Variants in SSPN observed in about 807,000 individuals in gnomAD.
The protein encoded by SSPN is K-ras oncogene-associated protein.
Under a neutral mutation model 19.1 loss-of-function variants are expected in SSPN, and 15 were observed. The ratio of observed to expected loss-of-function variants is 0.78; its 90% CI spans 0.52 to 1.21. SSPN has a LOEUF of 1.21. SSPN is among the 50% of genes most tolerant of loss of function. The probability of loss-of-function intolerance (pLI) is 0.00; values close to 1 mark genes in which losing one functional copy is unlikely to be tolerated. For synonymous variants in SSPN, 147 were observed against 140.3 expected (o/e 1.05, Z -0.34); for missense variants, 291 against 314.0 (o/e 0.93, Z 0.55).
intron 1 of SSPN, among the ~76,000 whole-genome samples, chr12:26,185,373 G>A (rs1403326713): frequency 6.6e-6 from 1 of 152,182 alleles, no homozygotes; most frequent in Non-Finnish European, 1.5e-5. Flanking sequence ...TGATTGACAG[G>A]CATGGGATTC....
At chr12:26,138,669 A>T (rs1002508762) in intron 1 of SSPN, among the ~76,000 whole-genome samples, 1 of 152,188 alleles carries the variant, frequency 6.6e-6, no homozygotes, top group African/African-American at 2.4e-5. Context: ...GAAAGTCTAG[A>T]TGCTTTTATT....
At chr12:26,172,207 CTTAT>C (rs1387447643) in intron 1 of SSPN, among the ~76,000 whole-genome samples, 1 of 152,138 alleles carries the variant, frequency 6.6e-6, no homozygotes, top group Non-Finnish European at 1.5e-5. Context: ...ATAGATTCTG[CTTAT>C]TCAGCGTAAA....
At chr12:26,167,550 T>G (rs2092292559) in intron 1 of SSPN, among the ~76,000 whole-genome samples, 1 of 152,198 alleles carries the variant, frequency 6.6e-6, no homozygotes, top group Admixed American at 6.5e-5. Context: ...TCTCCTGCTT[T>G]CTTCCCCCAC....
chr12:26,123,266 C>G (rs1944331347), intron 1 of SSPN: 1 of 1,406,886 alleles, frequency 7.1e-7, no homozygotes, highest in African/African-American at 1.4e-5. Context: ...GGCCCTGCAT[C>G]GACTAAAGTG....
Position 26,234,313 on chromosome 12 carries a change from A to G in SSPN, c.*3237A>G, listed in dbSNP as rs111469320. On this transcript the variant is annotated 3_prime_UTR_variant, in exon 3 of 3. Transcript: ENST00000242729. ...CCTGCAAAACCAATCCTTTCCTATC[A>G]TGAAGAGTACCTTCATATTTTCTAG... 6.6e-6 allele frequency: 1 copy of G among 152,234 alleles called. No individual in the cohort carries two copies. The highest frequency in any genetic ancestry group is 1.5e-5 in the Non-Finnish European group (1 of 68,042). The allele number at this position is 152,234 out of a possible 1,614,324, so 9.4% of individuals were successfully genotyped here. A position where few individuals can be genotyped will look rare whatever the true frequency, so the allele number is the denominator to read the frequency against.
intron 1 of SSPN, chr12:26,122,218 G>A (rs1944313273): frequency 1.5e-6 from 2 of 1,311,864 alleles, no homozygotes; most frequent in Non-Finnish European, 1.9e-6. Context: ...TGCGGCAGGA[G>A]GGTCGCGGCG....
At chr12:26,190,634 A>T (rs945054132), upstream of SSPN, among the ~76,000 whole-genome samples, 1 of 152,194 alleles carries the variant, frequency 6.6e-6, no homozygotes, top group Admixed American at 6.5e-5. Flanking sequence ...AGATAATTAA[A>T]ACAGAGGATC....
At position 26,220,697 on chromosome 12, in the gene SSPN, C is replaced by T. The variant is rs956631307; in HGVS notation, c.280-3596C>T. 3.3e-5 allele frequency among the ~76,000 whole-genome samples: 5 copies of T among 152,154 alleles called. No individual in the cohort carries two copies. In the East Asian group the frequency reaches 7.7e-4, roughly 23 times the overall value. On this transcript the variant is annotated intron_variant, in intron 1 of 2. Transcript: ENST00000242729. The stretch of plus-strand genomic sequence containing the variant: ...CCCATATAGTTGTGATTTGTGTCCA[C>T]GTGGGATCATCATTCCCCACTCCCA...
At chr12:26,185,298 G>A (rs1430357132) in intron 1 of SSPN, among the ~76,000 whole-genome samples, 1 of 152,166 alleles carries the variant, frequency 6.6e-6, no homozygotes, top group African/African-American at 2.4e-5. Flanking sequence ...TGCCCGTGAG[G>A]AGCAACTTGC....
chr12:26,195,527 G>C, upstream of SSPN: 4 of 1,252,806 alleles, frequency 3.2e-6, no homozygotes, highest in Non-Finnish European at 4.0e-6. Flanking sequence ...GCCTTTGGAG[G>C]CTCGGTGAGT....
Position 26,225,257 on chromosome 12 carries a change from G to T in SSPN, c.366+878G>T, listed in dbSNP as rs903658347. On this transcript the variant is annotated intron_variant, in intron 2 of 2. Coordinates refer to ENST00000242729, the MANE Select transcript of SSPN (RefSeq NM_005086.5). ...ATGACATTATTTGAAAGTTACTAAG[G>T]TGAAAAAAATAAGGTGTGTTGGAAG... Among the ~76,000 whole-genome samples, 3 of 2,226 alleles carry T rather than the reference G, an allele frequency of 1.3e-3. No homozygotes were observed. The Non-Finnish European group carries it at 0.029, about 21-fold the overall frequency. The allele number at this position is 2,226 out of a possible 152,430, so 1.5% of individuals were successfully genotyped here.
In SSPN at chr12:26,215,438, G is replaced by A. The variant is rs74607045; in HGVS notation, c.280-8855G>A. Among the ~76,000 whole-genome samples the A allele has an allele frequency of 1.7e-3, 257 of 152,306 alleles. 1 individual carries two copies. Among genetic ancestry groups the A allele is most frequent in the African/African-American group, 5.9e-3 (247 of 41,564 alleles). On this transcript the variant is annotated intron_variant, in intron 1 of 2. Coordinates refer to ENST00000242729, the MANE Select transcript of SSPN (RefSeq NM_005086.5). ...TCTGTCAAAAGAGGGACCCAGAAAA[G>A]GCAGAAATGGGGTGGAGGTGCAGAA...
At chr12:26,130,304 A>G (rs935375432) in intron 1 of SSPN, among the ~76,000 whole-genome samples, 4 of 152,212 alleles carry the variant, frequency 2.6e-5, no homozygotes, top group African/African-American at 9.6e-5. Context: ...AATAAGATGC[A>G]CTAAATGTCC....
chr12:26,122,927 G>C, intron 1 of SSPN: 1 of 1,551,132 alleles, frequency 6.4e-7, no homozygotes, highest in Non-Finnish European at 8.7e-7. Context: ...CCGCGGACCC[G>C]GCGGCCGAGG....
At chr12:26,148,401 C>T (rs1373520680) in intron 1 of SSPN, among the ~76,000 whole-genome samples, 8 of 152,182 alleles carry the variant, frequency 5.3e-5, no homozygotes, top group Non-Finnish European at 1.2e-4. Flanking sequence ...AAAATCTAGA[C>T]AGTGAATAAT....
chr12:26,223,518 T>C (rs1945145026), intron 1 of SSPN, among the ~76,000 whole-genome samples: 1 of 152,224 alleles, frequency 6.6e-6, no homozygotes, highest in African/African-American at 2.4e-5. Flanking sequence ...TTATATGTCA[T>C]TGTTTTAAAC....
intron 1 of SSPN, among the ~76,000 whole-genome samples, chr12:26,196,934 A>G (rs1403075881): frequency 6.6e-6 from 1 of 152,242 alleles, no homozygotes; most frequent in Non-Finnish European, 1.5e-5. Flanking sequence ...ATATTATGTT[A>G]TATTACAGTG....
chr12:26,179,919 C>CTTTTTGTTTTTT (rs1944708104), intron 1 of SSPN: 1 of 68,268 alleles, frequency 1.5e-5, no homozygotes, highest in Non-Finnish European at 2.6e-5. Flanking sequence ...TTTAGCTAGG[C>CTTTTTGTTTTTT]TTTTTTTTTT....
chr12:26,123,478 C>T (rs996405668), intron 1 of SSPN: 2 of 713,830 alleles, frequency 2.8e-6, no homozygotes, highest in African/African-American at 1.8e-5. Context: ...GGGCTCGTTC[C>T]AATGAAGGGA....
Sources: allele counts gnomAD v4.1 joint callset (sites outside exome capture counted in the v4.1 genomes callset), GRCh38; gene constraint gnomAD v4.1.1; transcripts MANE v1.5; gene names NCBI Gene and HGNC (gene_info 2026-07-23, HGNC 2026-07-21).